FUT8: variants seen among roughly 807,000 people sequenced by gnomAD.
The protein encoded by FUT8 is fucosyltransferase 8.
Under a neutral mutation model 71.3 loss-of-function variants are expected in FUT8, and 29 were observed. The observed-to-expected ratio is 0.41, with a 90% CI of 0.30 to 0.55. FUT8 has a LOEUF of 0.55. Among genes scored for constraint, FUT8 ranks in the 20% least tolerant of loss-of-function variants. The probability of loss-of-function intolerance (pLI) is 0.34; values close to 1 mark genes in which losing one functional copy is unlikely to be tolerated. For missense variants in FUT8, 544 were observed against 702.1 expected (o/e 0.77, Z 2.55); for synonymous variants, 254 against 239.3 (o/e 1.06, Z -0.57).
At chr14:65,409,529 T>A (rs1271322910), upstream of FUT8, among the ~76,000 whole-genome samples, 1 of 152,274 alleles carries the variant, frequency 6.6e-6, no homozygotes, top group Non-Finnish European at 1.5e-5. This position sits in a 1 kb window ranked among gnomAD's most constrained non-coding sequence, Gnocchi z 5.4. Flanking sequence ...ACAGTCATAA[T>A]AAAATGGTAG....
At chr14:65,704,792 C>CT (rs1320936010) in intron 7 of FUT8, among the ~76,000 whole-genome samples, 2 of 152,184 alleles carry the variant, frequency 1.3e-5, no homozygotes, top group Admixed American at 1.3e-4. Context: ...TCTCTTTTGT[C>CT]TTTTTTCTTT....
At chr14:65,465,686 A>G (rs895201626) in intron 2 of FUT8, among the ~76,000 whole-genome samples, 2 of 152,030 alleles carry the variant, frequency 1.3e-5, no homozygotes, top group Non-Finnish European at 2.9e-5. Context: ...TTGTTAAGGT[A>G]TATTTTGTAG....
chr14:65,379,550 A>G, the FUT8 span, among the ~76,000 whole-genome samples: 1 of 152,162 alleles, frequency 6.6e-6, no homozygotes, highest in Non-Finnish European at 1.5e-5. Flanking sequence ...ACAAAAAAAA[A>G]AAGTGAGTAC....
At chr14:65,434,992 G>A (rs926100352) in intron 1 of FUT8, among the ~76,000 whole-genome samples, 1 of 152,038 alleles carries the variant, frequency 6.6e-6, no homozygotes, top group Non-Finnish European at 1.5e-5. Flanking sequence ...CTCCCCCTAA[G>A]TTCATCGCCC....
intron 2 of FUT8, among the ~76,000 whole-genome samples, chr14:65,457,596 A>T (rs1286061220): frequency 6.6e-6 from 1 of 152,120 alleles, no homozygotes; most frequent in African/African-American, 2.4e-5. Flanking sequence ...TGAGTGCACA[A>T]TTTCTGTCCC....
chr14:65,718,059 A>G (rs1462461955), intron 7 of FUT8, among the ~76,000 whole-genome samples: 2 of 152,058 alleles, frequency 1.3e-5, no homozygotes, highest in Non-Finnish European at 2.9e-5. Context: ...GTTTGTTTAC[A>G]TTTAGTGTTA....
At chr14:65,516,655 C>CA in intron 2 of FUT8, among the ~76,000 whole-genome samples, 1 of 151,964 alleles carries the variant, frequency 6.6e-6, no homozygotes, top group Non-Finnish European at 1.5e-5. Flanking sequence ...TATAATTTTA[C>CA]ATTGAATATA....
At chr14:65,439,960 A>ACG in intron 1 of FUT8, among the ~76,000 whole-genome samples, 1 of 60,868 alleles carries the variant, frequency 1.6e-5, no homozygotes, top group Non-Finnish European at 4.0e-5. Context: ...GTGTGTATAT[A>ACG]TATATATATA....
At chr14:65,385,188 C>T in the FUT8 span, among the ~76,000 whole-genome samples, 24 of 152,150 alleles carry the variant, frequency 1.6e-4, no homozygotes, top group South Asian at 4.2e-3. Flanking sequence ...CATGAGCCAC[C>T]GCGCCCGGCC....
intron 1 of FUT8, among the ~76,000 whole-genome samples, chr14:65,439,750 A>G (rs182425548): frequency 6.6e-6 from 1 of 151,926 alleles, no homozygotes; most frequent in Non-Finnish European, 1.5e-5. Context: ...TAGCAACAAT[A>G]AAATATGCAC....
chr14:65,440,015 G>C (rs1269645490), intron 1 of FUT8, among the ~76,000 whole-genome samples: 5 of 130,410 alleles, frequency 3.8e-5, no homozygotes, highest in Non-Finnish European at 8.1e-5. Context: ...GTGGAATACT[G>C]TTCAGCTTTT....
intron 2 of FUT8, among the ~76,000 whole-genome samples, chr14:65,510,839 T>G (rs769703538): frequency 1.3e-5 from 2 of 152,000 alleles, no homozygotes; most frequent in Non-Finnish European, 2.9e-5. Flanking sequence ...GGTTTGTCCG[T>G]TTTAACTTTT....
intron 3 of FUT8, among the ~76,000 whole-genome samples, chr14:65,582,163 TC>T (rs1887128552): frequency 6.6e-6 from 1 of 152,114 alleles, no homozygotes; most frequent in Non-Finnish European, 1.5e-5. Context: ...TCTTCTTCCA[TC>T]CAATTAAAAT....
intron 7 of FUT8, among the ~76,000 whole-genome samples, chr14:65,692,340 G>A (rs1166022699): frequency 1.4e-5 from 2 of 147,844 alleles, no homozygotes; most frequent in East Asian, 2.1e-4. Context: ...CAGACGGGGC[G>A]GCTGGCCGGG....
rs949756620 is a variant in FUT8, at chr14:65,507,029, C to T, written c.-228+51311C>T. Reference sequence around the variant, plus strand: ...CCATGACCTCGATCAGCAAGTGAGACTTGCATTTATGCGGTAAGATTAATT... The same window carrying T: ...CCATGACCTCGATCAGCAAGTGAGATTTGCATTTATGCGGTAAGATTAATT... On this transcript the variant is annotated intron_variant, in intron 2 of 10. Coordinates refer to ENST00000673929, the MANE Select transcript of FUT8 (RefSeq NM_001371533.1). Among the ~76,000 whole-genome samples the T allele has an allele frequency of 3.9e-5, 6 of 152,280 alleles. No homozygotes were observed. In the East Asian group the frequency reaches 1.2e-3, roughly 29 times the overall value.
chr14:65,595,938 T>C (rs1343229746), intron 3 of FUT8, among the ~76,000 whole-genome samples: 1 of 152,192 alleles, frequency 6.6e-6, no homozygotes, highest in Non-Finnish European at 1.5e-5. Context: ...ATTTCTAGCC[T>C]AAAACATTCT....
intron 1 of FUT8, among the ~76,000 whole-genome samples, chr14:65,439,285 G>T (rs143337741): frequency 2.4e-3 from 363 of 152,286 alleles, no homozygotes; most frequent in Non-Finnish European, 4.0e-3. Flanking sequence ...TACTTTTGAG[G>T]CTATAAGGAT....
chr14:65,741,964 G>C, intron 10 of FUT8, 129 bp from the exon 11 acceptor site: 1 of 663,378 alleles, frequency 1.5e-6, no homozygotes, highest in South Asian at 1.9e-5. Context: ...TGGACTGAAA[G>C]CTTGTGACTA....
intron 2 of FUT8, among the ~76,000 whole-genome samples, chr14:65,462,774 G>A (rs180826302): frequency 3.0e-4 from 46 of 152,302 alleles, no homozygotes; most frequent in African/African-American, 9.9e-4. Context: ...GTTCTTTGAA[G>A]TTACAAATGA....
Sources: allele counts gnomAD v4.1 joint callset (sites outside exome capture counted in the v4.1 genomes callset), GRCh38; gene constraint gnomAD v4.1.1; non-coding constraint Gnocchi (gnomAD v3.1); transcripts MANE v1.5; gene names NCBI Gene and HGNC (gene_info 2026-07-23, HGNC 2026-07-21).